Variants in CIMIP4 observed in about 807,000 individuals in gnomAD.
The protein encoded by CIMIP4 is ciliary microtubule inner protein 4.
chr22:37,003,967 T>C, the CIMIP4 span: 2 of 1,550,174 alleles, frequency 1.3e-6, no homozygotes, highest in Non-Finnish European at 1.7e-6. Flanking sequence ...CTGTCCTACC[T>C]GCTCCGTGGC....
the CIMIP4 span, among the ~76,000 whole-genome samples, chr22:37,002,544 G>A: frequency 1.7e-3 from 255 of 152,292 alleles, no homozygotes; most frequent in African/African-American, 5.9e-3. Context: ...TGCCTCCCAC[G>A]GGCAGGGTTA....
At chr22:37,002,304 C>A in the CIMIP4 span, 7 of 1,392,708 alleles carry the variant, frequency 5.0e-6, no homozygotes, top group South Asian at 1.3e-4. Context: ...GTGGTTGTAC[C>A]TGAGCAGGAC....
the CIMIP4 span, chr22:37,001,822 C>G: frequency 6.5e-7 from 1 of 1,544,392 alleles, no homozygotes; most frequent in Non-Finnish European, 8.8e-7. Context: ...ACCCTCCTGG[C>G]CCCTGCTATG....
At chr22:36,995,724 G>T in the CIMIP4 span, among the ~76,000 whole-genome samples, 1 of 152,146 alleles carries the variant, frequency 6.6e-6, no homozygotes, top group South Asian at 2.1e-4. Flanking sequence ...CTTTCACTTG[G>T]TTCCCATTCT....
At chr22:37,000,097 G>A in the CIMIP4 span, 112 of 1,351,186 alleles carry the variant, frequency 8.3e-5, no homozygotes, top group Non-Finnish European at 1.1e-4. Flanking sequence ...GATCCCACCT[G>A]TAGCCTGCAG....
the CIMIP4 span, chr22:37,001,970 G>A: frequency 4.8e-4 from 767 of 1,613,896 alleles, 3 homozygotes; most frequent in Middle Eastern, 4.9e-4. Context: ...ACCGTCATCC[G>A]TCCCCTGGCA....
the CIMIP4 span, among the ~76,000 whole-genome samples, chr22:36,996,493 A>AG: frequency 7.3e-6 from 1 of 136,856 alleles, no homozygotes; most frequent in Non-Finnish European, 1.6e-5. Flanking sequence ...TGATGTTTAT[A>AG]GAAAAAAAAA....
the CIMIP4 span, among the ~76,000 whole-genome samples, chr22:36,996,689 A>T: frequency 2.0e-5 from 3 of 152,202 alleles, no homozygotes; most frequent in Non-Finnish European, 4.4e-5. Context: ...TATTAATAAC[A>T]TTTGTATGGG....
At chr22:36,993,807 T>C in the CIMIP4 span, among the ~76,000 whole-genome samples, 14 of 152,068 alleles carry the variant, frequency 9.2e-5, no homozygotes, top group African/African-American at 3.4e-4. Context: ...TAAACCCAAA[T>C]AGTCTATATC....
At chr22:36,994,614 G>A in the CIMIP4 span, among the ~76,000 whole-genome samples, 7 of 147,510 alleles carry the variant, frequency 4.7e-5, no homozygotes, top group African/African-American at 1.8e-4. Flanking sequence ...TGATCTGCCT[G>A]GCTCCGCCTC....
the CIMIP4 span, among the ~76,000 whole-genome samples, chr22:36,993,560 TA>T: frequency 7.3e-6 from 1 of 137,658 alleles, no homozygotes; most frequent in Non-Finnish European, 1.6e-5. Flanking sequence ...CCGTCTCTAC[TA>T]AAAATACAAA....
chr22:36,994,963 C>T, the CIMIP4 span, among the ~76,000 whole-genome samples: 3 of 152,086 alleles, frequency 2.0e-5, no homozygotes, highest in Admixed American at 6.6e-5. Flanking sequence ...CACAGATCAT[C>T]TACAAAAATC....
the CIMIP4 span, among the ~76,000 whole-genome samples, chr22:37,006,218 A>C: frequency 6.6e-6 from 1 of 152,268 alleles, no homozygotes; most frequent in Non-Finnish European, 1.5e-5. Flanking sequence ...GGATAGAGAC[A>C]GTACAAAATG....
At chr22:37,006,199 G>A in the CIMIP4 span, among the ~76,000 whole-genome samples, 3 of 152,076 alleles carry the variant, frequency 2.0e-5, no homozygotes, top group Non-Finnish European at 4.4e-5. Context: ...TGGCAACTTC[G>A]GGTAAAAGGG....
chr22:36,998,958 C>T, the CIMIP4 span, among the ~76,000 whole-genome samples: 1 of 152,176 alleles, frequency 6.6e-6, no homozygotes, highest in Admixed American at 6.5e-5. Context: ...TTATCATCCC[C>T]ACTGTACCGA....
the CIMIP4 span, among the ~76,000 whole-genome samples, chr22:36,995,238 G>C: frequency 2.4e-4 from 36 of 152,222 alleles, 1 homozygote; most frequent in Admixed American, 2.4e-3. Flanking sequence ...CAGGACGTAA[G>C]CTACCATTCT....
the CIMIP4 span, among the ~76,000 whole-genome samples, chr22:37,005,284 CCA>C: frequency 9.6e-3 from 1,467 of 152,212 alleles, 23 homozygotes; most frequent in African/African-American, 0.034. Context: ...ATACCCTGGG[CCA>C]GAGGACCCAG....
At chr22:37,003,500 A>G in the CIMIP4 span, among the ~76,000 whole-genome samples, 7 of 152,074 alleles carry the variant, frequency 4.6e-5, no homozygotes, top group African/African-American at 1.7e-4. Flanking sequence ...GGACTCCACA[A>G]AAGTGCCAGC....
At chr22:37,004,271 C>A in the CIMIP4 span, among the ~76,000 whole-genome samples, 1 of 152,104 alleles carries the variant, frequency 6.6e-6, no homozygotes, top group Non-Finnish European at 1.5e-5. Context: ...TCTGAAAAGC[C>A]CTGGCCACCC....
Sources: allele counts gnomAD v4.1 joint callset (sites outside exome capture counted in the v4.1 genomes callset), GRCh38; gene constraint gnomAD v4.1.1; transcripts MANE v1.5; gene names NCBI Gene and HGNC (gene_info 2026-07-23, HGNC 2026-07-21).